The following LPIN1 variants were observed in gnomAD, a reference collection of about 807,000 sequenced individuals.
LPIN1 encodes phosphatidate phosphatase LPIN1.
LPIN1 carries 71 observed loss-of-function variants against 107.5 expected under a neutral mutation model. The observed-to-expected ratio is 0.66, with a 90% CI of 0.55 to 0.80. The LOEUF (loss-of-function observed/expected upper bound fraction) is 0.80. Among genes scored for constraint, LPIN1 ranks in the 30% least tolerant of loss-of-function variants. The pLI, the probability that LPIN1 is intolerant of heterozygous loss-of-function variation, is 0.00. For synonymous variants in LPIN1, 445 were observed against 452.6 expected, an observed-to-expected ratio of 0.98 and a Z score of 0.21; for missense variants, 1,043 against 1,160.6, an observed-to-expected ratio of 0.90 and a Z score of 1.47.
intron 6 of LPIN1, 129 bp from the exon 7 acceptor site, chr2:11,779,390 G>C: frequency 9.9e-7 from 1 of 1,009,026 alleles, no homozygotes; most frequent in Non-Finnish European, 1.5e-6. Context: ...GATTTGTCAT[G>C]AGGCTCCGCT....
At chr2:11,793,280 G>C (rs1676101141) in intron 13 of LPIN1, among the ~76,000 whole-genome samples, 2 of 152,094 alleles carry the variant, frequency 1.3e-5, no homozygotes. Context: ...CTTCTCTGAC[G>C]TGTCCATGTC....
intron 1 of LPIN1, among the ~76,000 whole-genome samples, chr2:11,763,726 C>T (rs1423508598): frequency 6.6e-6 from 1 of 151,998 alleles, no homozygotes; most frequent in Admixed American, 6.6e-5. Context: ...CCATTCTTCC[C>T]TAGTGCACAT....
At chr2:11,760,466 G>C (rs559545968) in intron 1 of LPIN1, among the ~76,000 whole-genome samples, 1 of 152,234 alleles carries the variant, frequency 6.6e-6, no homozygotes, top group Non-Finnish European at 1.5e-5. Context: ...GATCACTCCC[G>C]ATTAGGAGCT....
chr2:11,799,802 A>T (rs1677367978), intron 14 of LPIN1, among the ~76,000 whole-genome samples: 1 of 152,138 alleles, frequency 6.6e-6, no homozygotes, highest in South Asian at 2.1e-4. Context: ...AAGATAAAGA[A>T]ATCAAGGCTG....
At chr2:11,772,149 G>T (rs1671955376) in intron 4 of LPIN1, among the ~76,000 whole-genome samples, 1 of 152,162 alleles carries the variant, frequency 6.6e-6, no homozygotes, top group African/African-American at 2.4e-5. Context: ...CACTCATCTG[G>T]CAGGAGGAGG....
rs574675286 is a variant in LPIN1, at chr2:11,788,634, G to T, written c.1713+178G>T. On this transcript the variant is annotated intron_variant, in intron 12 of 20. Coordinates refer to ENST00000674199, the MANE Select transcript of LPIN1 (RefSeq NM_001349206.2). Reference sequence around the variant, plus strand: ...ATCTCTCTCTTGCACCTTGCACGTGGTTGCCCCTCTTCCTTATCAAGGCAA... The same window carrying T: ...ATCTCTCTCTTGCACCTTGCACGTGTTTGCCCCTCTTCCTTATCAAGGCAA... Among the ~76,000 whole-genome samples the T allele has an allele frequency of 3.9e-5, 6 of 152,304 alleles. No homozygotes were observed. The South Asian group carries it at 1.2e-3, about 32-fold the overall frequency.
At chr2:11,736,517 C>T (rs1665807223) in intron 1 of LPIN1, among the ~76,000 whole-genome samples, 1 of 152,340 alleles carries the variant, frequency 6.6e-6, no homozygotes, top group South Asian at 2.1e-4. Flanking sequence ...AAAGGCTCCA[C>T]CTCATCATAC....
At chr2:11,735,641 A>T (rs1665722228) in intron 1 of LPIN1, among the ~76,000 whole-genome samples, 2 of 152,226 alleles carry the variant, frequency 1.3e-5, no homozygotes, top group Admixed American at 1.3e-4. Context: ...TGAAGTCCTC[A>T]GAGTATAGTT....
At chr2:11,715,955 C>T (rs1414604367) in intron 2 of LPIN1, among the ~76,000 whole-genome samples, 1 of 152,162 alleles carries the variant, frequency 6.6e-6, no homozygotes, top group Non-Finnish European at 1.5e-5. Context: ...TCCAGATCTG[C>T]AGTCCTGTGA....
Position 11,815,576 on chromosome 2 carries a change from C to T in LPIN1, c.2402+336C>T, listed in dbSNP as rs115847041. On this transcript the variant is annotated intron_variant, in intron 18 of 20. Coordinates refer to ENST00000674199, the MANE Select transcript of LPIN1 (RefSeq NM_001349206.2). ...CTTGGAGCCTTTGCACATGCTGTTC[C>T]GTCTTTTTGGGTCACTCTCCTGCTC... Among the ~76,000 whole-genome samples the T allele has an allele frequency of 2.8e-3, 427 of 152,038 alleles. 3 individuals carry two copies. The highest frequency in any genetic ancestry group is 0.011 in the South Asian group (55 of 4,796).
In LPIN1 at chr2:11,697,038, C is replaced by A. The variant is rs1293278283; in HGVS notation, c.82-16718C>A. Among the ~76,000 whole-genome samples the A allele has an allele frequency of 7.9e-5, 12 of 152,246 alleles. No homozygotes were observed. Among genetic ancestry groups the A allele is most frequent in the Non-Finnish European group, 1.6e-4 (11 of 68,044 alleles). On this transcript the variant is annotated intron_variant, in intron 1 of 21. Coordinates refer to the LPIN1 transcript ENST00000449576. This position sits in a 1 kb window ranked among gnomAD's most constrained non-coding sequence, Gnocchi z 4.6. ...GGGCTCCTGCCCAGCCTCTGGGTCC[C>A]CCACCTGTGGCCCAGGGAAGGCTCT... is the stretch of plus-strand genomic sequence containing the variant.
intron 2 of LPIN1, among the ~76,000 whole-genome samples, chr2:11,718,373 G>T (rs1663892898): frequency 2.0e-5 from 3 of 151,716 alleles, no homozygotes; most frequent in Non-Finnish European, 4.4e-5. Flanking sequence ...GATTACAGGT[G>T]CCCACTACCA....
chr2:11,730,326 C>T (rs1346938371), intron 1 of LPIN1, among the ~76,000 whole-genome samples: 1 of 152,180 alleles, frequency 6.6e-6, no homozygotes, highest in Non-Finnish European at 1.5e-5. Context: ...GACATTTTGA[C>T]TTGGTGCTTC....
intron 1 of LPIN1, among the ~76,000 whole-genome samples, chr2:11,737,317 G>A (rs1332320855): frequency 6.6e-6 from 1 of 152,178 alleles, no homozygotes; most frequent in Non-Finnish European, 1.5e-5. Flanking sequence ...TCAGGACATA[G>A]GCATGGGCAA....
chr2:11,704,129 T>G (rs1663016261), intron 1 of LPIN1, among the ~76,000 whole-genome samples: 1 of 152,226 alleles, frequency 6.6e-6, no homozygotes, highest in Non-Finnish European at 1.5e-5. Flanking sequence ...TGCTTTAGGC[T>G]TCTTATGACC....
At chr2:11,696,310 C>T (rs1326350694) in intron 1 of LPIN1, among the ~76,000 whole-genome samples, 1 of 151,736 alleles carries the variant, frequency 6.6e-6, no homozygotes, top group African/African-American at 2.4e-5. Flanking sequence ...GTTGCTGACT[C>T]TCGAATGAGC....
chr2:11,744,219 G>A (rs1361745117), upstream of LPIN1, among the ~76,000 whole-genome samples: 1 of 152,348 alleles, frequency 6.6e-6, no homozygotes, highest in Non-Finnish European at 1.5e-5. Context: ...AGTGCAGCTA[G>A]GTCCTGGGAT....
chr2:11,703,490 C>T (rs1219599372), intron 1 of LPIN1, among the ~76,000 whole-genome samples: 1 of 152,174 alleles, frequency 6.6e-6, no homozygotes, highest in Non-Finnish European at 1.5e-5. Flanking sequence ...CTCTGGTCTG[C>T]ACTGGCTCTT....
At chr2:11,795,939 T>C (rs899920869) in intron 14 of LPIN1, among the ~76,000 whole-genome samples, 3 of 152,238 alleles carry the variant, frequency 2.0e-5, no homozygotes, top group Non-Finnish European at 2.9e-5. Context: ...CATGGATTCA[T>C]ATTCACTTGG....
Sources: allele counts gnomAD v4.1 joint callset (sites outside exome capture counted in the v4.1 genomes callset), GRCh38; gene constraint gnomAD v4.1.1; non-coding constraint Gnocchi (gnomAD v3.1); transcripts MANE v1.5; gene names NCBI Gene and HGNC (gene_info 2026-07-23, HGNC 2026-07-21).